Variants in ARHGAP27 observed in about 807,000 individuals in gnomAD.
ARHGAP27 encodes rho GTPase-activating protein 27.
Under a neutral mutation model 102.0 loss-of-function variants are expected in ARHGAP27, and 53 were observed. The observed-to-expected ratio is 0.52, with a 90% CI of 0.42 to 0.65. The LOEUF is 0.65. Ranked by LOEUF, ARHGAP27 falls within the 30% of genes least tolerant of loss-of-function variation. The pLI, the probability that ARHGAP27 is intolerant of heterozygous loss-of-function variation, is 0.00. For synonymous variants in ARHGAP27, 525 were observed against 542.8 expected, an observed-to-expected ratio of 0.97 and a Z score of 0.46; for missense variants, 1,117 against 1,256.2, an observed-to-expected ratio of 0.89 and a Z score of 1.68.
At chr17:45,405,583 C>G in intron 5 of ARHGAP27, 93 bp downstream of exon 5, 1 of 1,464,790 alleles carries the variant, frequency 6.8e-7, no homozygotes, top group Non-Finnish European at 9.1e-7. Flanking sequence ...CCATCACCAC[C>G]CCCTCACCCG....
intron 4 of ARHGAP27, chr17:45,425,625 CTCATGTGCGGCGCCTCCGGGGCTGCTTGT>C (rs2049522177): frequency 1.0e-6 from 1 of 985,420 alleles, no homozygotes; most frequent in South Asian, 4.7e-5. Context: ...GGGCTGCCTG[CTCATGTGCGGCGCCTCCGGGGCTGCTTGT>C]ATAAGAAGGT....
chr17:45,402,668 G>C (rs1299836256), intron 12 of ARHGAP27, 46 bp downstream of exon 12: 7 of 1,508,316 alleles, frequency 4.6e-6, no homozygotes, highest in Non-Finnish European at 6.4e-6. Flanking sequence ...GAGCTGGCAG[G>C]CATCACTAAG....
intron 12 of ARHGAP27, among the ~76,000 whole-genome samples, chr17:45,401,948 G>A (rs183100367): frequency 1.4e-4 from 21 of 152,260 alleles, no homozygotes; most frequent in African/African-American, 4.1e-4. Context: ...AGTTCACCAC[G>A]TGTGTTTCTG....
At chr17:45,397,207 C>T (rs1479901101) in intron 13 of ARHGAP27, 183 bp from the exon 14 acceptor site, 3 of 1,432,326 alleles carry the variant, frequency 2.1e-6, no homozygotes, top group Non-Finnish European at 2.7e-6. Context: ...AGAACATTCA[C>T]CTCCCTTAGC....
chr17:45,421,172 T>A (rs553892410), intron 4 of ARHGAP27, among the ~76,000 whole-genome samples: 44 of 132,730 alleles, frequency 3.3e-4, no homozygotes, highest in African/African-American at 1.2e-3. Flanking sequence ...AAAGAAAAGG[T>A]AAAAGAAACA....
chr17:45,411,838 A>G (rs149912888), intron 4 of ARHGAP27, among the ~76,000 whole-genome samples: 2 of 152,174 alleles, frequency 1.3e-5, no homozygotes, highest in African/African-American at 4.8e-5. Context: ...GTGTGCGTGC[A>G]TATGACAGGT....
chr17:45,398,113 T>C, intron 12 of ARHGAP27, 66 bp from the exon 13 acceptor site: 1 of 1,399,990 alleles, frequency 7.1e-7, no homozygotes, highest in Non-Finnish European at 9.9e-7. Context: ...TTGGCCCTAG[T>C]TGGGGGTAGG....
intron 4 of ARHGAP27, chr17:45,425,704 C>A: frequency 1.0e-6 from 1 of 954,034 alleles, no homozygotes; most frequent in Non-Finnish European, 1.2e-6. Flanking sequence ...GCGGCCAATG[C>A]CCCAGCAGCA....
In ARHGAP27 at chr17:45,396,590, G is replaced by A. The variant is rs2045722303; in HGVS notation, c.2075-5C>T. On this transcript the variant is annotated splice_polypyrimidine_tract_variant and splice_region_variant and intron_variant, in intron 15 of 19. Transcript: ENST00000685559. Reference sequence around the variant, plus strand: ...GCGCGCAGCCGAACACCTGGTCTAGGGCAGAGGCTCATCAGCTCCTGCCCA... The same window carrying A: ...GCGCGCAGCCGAACACCTGGTCTAGAGCAGAGGCTCATCAGCTCCTGCCCA... The A allele has an allele frequency of 6.2e-7, 1 of 1,608,900 alleles. No individual in the cohort carries two copies. Among genetic ancestry groups the A allele is most frequent in the Admixed American group, 1.7e-5 (1 of 59,834 alleles).
intron 17 of ARHGAP27, 32 bp from the exon 18 acceptor site, chr17:45,396,149 G>C (rs766398685): frequency 6.2e-7 from 1 of 1,600,502 alleles, no homozygotes; most frequent in African/African-American, 1.3e-5. Flanking sequence ...GGACGGAAGG[G>C]AAATCAGTAC....
At chr17:45,397,735 G>A (rs2144211267) in intron 13 of ARHGAP27, 1 of 424,388 alleles carries the variant, frequency 2.4e-6, no homozygotes, top group Non-Finnish European at 4.2e-6. Flanking sequence ...ACCCTCACCT[G>A]GAGAGTCTTC....
At chr17:45,426,851 C>T (rs73307518) in intron 4 of ARHGAP27, among the ~76,000 whole-genome samples, 18,080 of 152,156 alleles carry the variant, frequency 0.12, 1,187 homozygotes, top group South Asian at 0.19. Context: ...ACCAGCTGAG[C>T]GTCTAGTGGT....
Position 45,395,357 on chromosome 17 carries a change from G to A in ARHGAP27, c.*99C>T. 4 of 1,398,388 alleles carry A rather than the reference G, an allele frequency of 2.9e-6. No individual in the cohort carries two copies. Among genetic ancestry groups the A allele is most frequent in the Non-Finnish European group, 3.8e-6 (4 of 1,047,626 alleles). The allele number at this position is 1,398,388 out of a possible 1,614,324, so 86.6% of individuals were successfully genotyped here. ...TCACACCGGCCTGCGGCTATGCGCT[G>A]GCGGAGGGTCCCAGAGAGAAGAAGG... is the stretch of plus-strand genomic sequence containing the variant. On this transcript the variant is annotated 3_prime_UTR_variant, in exon 20 of 20. Transcript: ENST00000685559.
At chr17:45,419,669 G>A (rs972842629) in intron 4 of ARHGAP27, among the ~76,000 whole-genome samples, 6 of 150,924 alleles carry the variant, frequency 4.0e-5, no homozygotes, top group Non-Finnish European at 5.9e-5. Flanking sequence ...GCTATTAGCA[G>A]AGTCAAAAGA....
At chr17:45,419,508 GTATGTATATATATATA>G (rs1453702564) in intron 4 of ARHGAP27, among the ~76,000 whole-genome samples, 26 of 86,400 alleles carry the variant, frequency 3.0e-4, no homozygotes, top group African/African-American at 1.2e-3. Flanking sequence ...GACTTATGCT[GTATGTATATATATATA>G]TATATATATA....
At chr17:45,418,729 G>A (rs2048728054) in intron 4 of ARHGAP27, among the ~76,000 whole-genome samples, 1 of 152,116 alleles carries the variant, frequency 6.6e-6, no homozygotes, top group African/African-American at 2.4e-5. Flanking sequence ...GTGAGAGGCT[G>A]TGTCTGAGGT....
intron 19 of ARHGAP27, 39 bp downstream of exon 19, chr17:45,395,705 G>A: frequency 1.3e-6 from 2 of 1,569,466 alleles, no homozygotes; most frequent in Non-Finnish European, 1.7e-6. Flanking sequence ...CTTCAGCCGG[G>A]ACCTGCCTCC....
chr17:45,403,011 T>C (rs940147303), intron 11 of ARHGAP27, among the ~76,000 whole-genome samples, 193 bp from the exon 12 acceptor site: 10 of 152,242 alleles, frequency 6.6e-5, no homozygotes, highest in Non-Finnish European at 1.3e-4. Context: ...GCATGTCCAC[T>C]GCTGCCCACC....
intron 13 of ARHGAP27, 31 bp from the exon 14 acceptor site, chr17:45,397,055 C>T (rs1331665716): frequency 1.3e-6 from 2 of 1,598,502 alleles, no homozygotes; most frequent in Non-Finnish European, 1.7e-6. Flanking sequence ...AGAGGCGGGG[C>T]CTTGAGCCAG....
Sources: gnomAD v4.1 joint callset for allele counts (sites outside exome capture counted in the v4.1 genomes callset) on GRCh38, gnomAD v4.1.1 for gene constraint, MANE v1.5 for transcripts, NCBI Gene and HGNC (gene_info 2026-07-23, HGNC 2026-07-21) for gene names.